ZFPM2: variants seen among roughly 807,000 people sequenced by gnomAD.
The protein encoded by ZFPM2 is zinc finger protein ZFPM2.
In ZFPM2, 20 loss-of-function variants were observed where a neutral mutation model predicts 98.6. The ratio of observed to expected loss-of-function variants is 0.20; its 90% CI spans 0.14 to 0.29. ZFPM2 has a LOEUF of 0.29. Among genes scored for constraint, ZFPM2 ranks in the 10% least tolerant of loss-of-function variants. ZFPM2 has a pLI of 1.00. For synonymous variants in ZFPM2, 518 were observed against 502.7 expected, an observed-to-expected ratio of 1.03 and a Z score of -0.41; for missense variants, 1,310 against 1,388.6, an observed-to-expected ratio of 0.94 and a Z score of 0.90.
intron 5 of ZFPM2, among the ~76,000 whole-genome samples, chr8:105,671,067 G>C (rs1335639505): frequency 6.6e-6 from 1 of 152,004 alleles, no homozygotes; most frequent in Non-Finnish European, 1.5e-5. Flanking sequence ...TTTTATGAAA[G>C]ATTTTTGTTT....
intron 2 of ZFPM2, among the ~76,000 whole-genome samples, chr8:105,426,045 A>G (rs1811901665): frequency 6.6e-6 from 1 of 152,076 alleles, no homozygotes; most frequent in Non-Finnish European, 1.5e-5. Context: ...CTCCTTGGTT[A>G]TGCCTTTAAT....
chr8:105,429,617 T>G (rs571545234), intron 2 of ZFPM2, among the ~76,000 whole-genome samples: 1 of 151,680 alleles, frequency 6.6e-6, no homozygotes, highest in South Asian at 2.1e-4. Flanking sequence ...ATATTCTGTA[T>G]TGGTGGCTGA....
At chr8:105,654,525 A>C (rs1586176745) in intron 5 of ZFPM2, among the ~76,000 whole-genome samples, 1 of 152,174 alleles carries the variant, frequency 6.6e-6, no homozygotes, top group Non-Finnish European at 1.5e-5. Context: ...TGCCGGAGAC[A>C]CAGAGATAGT....
chr8:105,647,303 A>C lies in ZFPM2; in HGVS notation c.532+12946A>C, dbSNP rs1817066661. Among the ~76,000 whole-genome samples the C allele has an allele frequency of 3.3e-5, 5 of 152,166 alleles. 1 individual carries two copies. The South Asian group carries it at 1.0e-3, about 32-fold the overall frequency. The stretch of plus-strand genomic sequence containing the variant: ...TGTCGTTTTAGTAAAAGGAAGTAGA[A>C]ATAAATGCATGCAATCAATTCACCA... On this transcript the variant is annotated intron_variant, in intron 5 of 7. Transcript: ENST00000407775.
chr8:105,330,628 A>ATATATATACACATATATATC (rs1812213733), intron 1 of ZFPM2, among the ~76,000 whole-genome samples: 1 of 68,450 alleles, frequency 1.5e-5, no homozygotes, highest in African/African-American at 4.2e-5. Context: ...ATATATATAT[A>ATATATATACACATATATATC]TATACATATA....
chr8:105,426,044 T>G (rs537973217), intron 2 of ZFPM2, among the ~76,000 whole-genome samples: 1 of 152,308 alleles, frequency 6.6e-6, no homozygotes, highest in South Asian at 2.1e-4. Flanking sequence ...CCTCCTTGGT[T>G]ATGCCTTTAA....
Position 105,560,188 on chromosome 8 carries a change from G to GA in ZFPM2, c.302-1172dup, listed in dbSNP as rs10654480. On this transcript the variant is annotated intron_variant, in intron 3 of 7. Transcript: ENST00000407775. Reference sequence around the variant, plus strand: ...CTGTCTCAAAAAAAAAAAAAAAAAAGAAAGAAAATATAAGTACTGAATATA... The same window carrying GA: ...CTGTCTCAAAAAAAAAAAAAAAAAAGAAAAGAAAATATAAGTACTGAATATA... Among the ~76,000 whole-genome samples, 709 of 142,722 alleles carry GA rather than the reference G, an allele frequency of 5.0e-3. 3 individuals are homozygous for GA. Among genetic ancestry groups the GA allele is most frequent in the Admixed American group, 7.3e-3 (103 of 14,196 alleles). 93.6% of individuals were successfully genotyped at this position (142,722 alleles called of 152,430 possible). A position where few individuals can be genotyped will look rare whatever the true frequency, so the allele number is the denominator to read the frequency against.
chr8:105,383,645 T>G (rs1183366119), intron 1 of ZFPM2, among the ~76,000 whole-genome samples: 2 of 152,114 alleles, frequency 1.3e-5, no homozygotes, highest in African/African-American at 4.8e-5. Flanking sequence ...ACATGAAAGA[T>G]TTACCTAATA....
intron 1 of ZFPM2, among the ~76,000 whole-genome samples, chr8:105,399,661 A>G (rs1209138630): frequency 6.6e-6 from 1 of 152,140 alleles, no homozygotes; most frequent in Non-Finnish European, 1.5e-5. Flanking sequence ...TAAAACATTA[A>G]CACATGATTT....
chr8:105,666,028 GTTGATATTATTTGAATCA>G (rs547756254), intron 5 of ZFPM2, among the ~76,000 whole-genome samples: 2,241 of 152,124 alleles, frequency 0.015, 48 homozygotes, highest in African/African-American at 0.047. Context: ...TGTTATTTGA[GTTGATATTATTTGAATCA>G]TTGATATTAT....
chr8:105,710,229 G>C (rs955902467), intron 5 of ZFPM2, among the ~76,000 whole-genome samples: 2 of 152,004 alleles, frequency 1.3e-5, no homozygotes, highest in Non-Finnish European at 2.9e-5. Flanking sequence ...GTAAAACCAA[G>C]TACTGCTTTT....
chr8:105,580,592 C>T (rs1296917986), intron 4 of ZFPM2, among the ~76,000 whole-genome samples: 3 of 152,030 alleles, frequency 2.0e-5, no homozygotes, highest in South Asian at 2.1e-4. Flanking sequence ...TTTCGCTTGA[C>T]GATGTTAACA....
intron 4 of ZFPM2, among the ~76,000 whole-genome samples, chr8:105,575,790 T>C (rs946285104): frequency 1.3e-5 from 2 of 152,216 alleles, no homozygotes; most frequent in Non-Finnish European, 2.9e-5. Flanking sequence ...ACAAGTGGCC[T>C]GTACATTTTA....
chr8:105,338,498 A>G (rs907931641), intron 1 of ZFPM2, among the ~76,000 whole-genome samples: 1 of 151,874 alleles, frequency 6.6e-6, no homozygotes, highest in African/African-American at 2.4e-5. Flanking sequence ...TAGCTTATTT[A>G]AAATATAGTA....
chr8:105,723,848 A>G lies in ZFPM2; in HGVS notation c.533-64870A>G, dbSNP rs1179414302. ...GTCCTTTGTGGCATTTTTTTCTCCCAGAATAGAATACTTTCATTGACATTA... is the reference window on the plus strand; with the variant it reads ...GTCCTTTGTGGCATTTTTTTCTCCCGGAATAGAATACTTTCATTGACATTA... On this transcript the variant is annotated intron_variant, in intron 5 of 7. Coordinates refer to ENST00000407775, the MANE Select transcript of ZFPM2 (RefSeq NM_012082.4). Among the ~76,000 whole-genome samples the G allele has an allele frequency of 2.0e-4, 31 of 151,638 alleles. 1 individual carries two copies. The highest frequency in any genetic ancestry group is 2.0e-3 in the Admixed American group (30 of 15,172).
chr8:105,599,632 C>T (rs1221586398), intron 4 of ZFPM2, among the ~76,000 whole-genome samples: 1 of 152,054 alleles, frequency 6.6e-6, no homozygotes, highest in African/African-American at 2.4e-5. Flanking sequence ...GCGGCAATGG[C>T]AGGCCTTTCA....
chr8:105,475,663 A>G (rs1214805624), intron 3 of ZFPM2, among the ~76,000 whole-genome samples: 2 of 152,266 alleles, frequency 1.3e-5, no homozygotes, highest in African/African-American at 2.4e-5. Context: ...CGTTTTTAAC[A>G]TCATCTCTGG....
At chr8:105,325,210 CATAG>C (rs1016678408) in intron 1 of ZFPM2, among the ~76,000 whole-genome samples, 3 of 151,714 alleles carry the variant, frequency 2.0e-5, no homozygotes, top group Non-Finnish European at 4.4e-5. Context: ...GTGTTTTCAC[CATAG>C]ATAAAGAGGT....
chr8:105,413,724 T>A (rs897254210), intron 1 of ZFPM2, among the ~76,000 whole-genome samples: 3 of 151,734 alleles, frequency 2.0e-5, no homozygotes, highest in Non-Finnish European at 4.4e-5. Context: ...TTCATTTTCA[T>A]TGATTAAGAT....
Sources: gnomAD v4.1 joint callset for allele counts (sites outside exome capture counted in the v4.1 genomes callset) on GRCh38, gnomAD v4.1.1 for gene constraint, MANE v1.5 for transcripts, NCBI Gene and HGNC (gene_info 2026-07-23, HGNC 2026-07-21) for gene names.